Variants in LAYN observed in about 807,000 individuals in gnomAD.
LAYN encodes the protein layilin.
Under a neutral mutation model 43.6 loss-of-function variants are expected in LAYN, and 38 were observed. That is an observed-to-expected ratio of 0.87 (90% CI 0.67 to 1.14). The LOEUF is 1.14. Ranked by LOEUF, LAYN falls within the 50% of genes most tolerant of loss-of-function variation. The probability of loss-of-function intolerance (pLI) is 0.00; values close to 1 mark genes in which losing one functional copy is unlikely to be tolerated. For synonymous variants in LAYN, 168 were observed against 172.9 expected (o/e 0.97, Z 0.22); for missense variants, 479 against 463.8 (o/e 1.03, Z -0.30).
chr11:111,549,924 G>A (rs1326124214), intron 3 of LAYN, 149 bp downstream of exon 3: 21 of 792,068 alleles, frequency 2.7e-5, no homozygotes, highest in Non-Finnish European at 4.1e-5. Context: ...TCTTGTAAAG[G>A]GCAATGTAAT....
chr11:111,543,155 C>G (rs565369174), intron 1 of LAYN, among the ~76,000 whole-genome samples: 2 of 152,160 alleles, frequency 1.3e-5, no homozygotes, highest in African/African-American at 4.8e-5. Flanking sequence ...GCTCTAACTC[C>G]GGTGATGCTG....
intron 1 of LAYN, among the ~76,000 whole-genome samples, chr11:111,541,909 A>G (rs1036300026): frequency 1.9e-4 from 29 of 152,112 alleles, no homozygotes; most frequent in African/African-American, 6.5e-4. Flanking sequence ...TGAGAAGAGA[A>G]GGACACTTCC....
At chr11:111,556,931 A>G (rs550092509) in intron 5 of LAYN, among the ~76,000 whole-genome samples, 1 of 152,342 alleles carries the variant, frequency 6.6e-6, no homozygotes, top group South Asian at 2.1e-4. Context: ...GTCATGGCTC[A>G]TGGACCCAAC....
Position 111,549,502 on chromosome 11 carries a change from G to A in LAYN, c.384-116G>A, listed in dbSNP as rs375690346. On this transcript the variant is annotated intron_variant, in intron 2 of 6. Coordinates refer to ENST00000375614, the MANE Select transcript of LAYN (RefSeq NM_178834.5). ...CAATTCCTACCTCTCTCTGTATCAT[G>A]TTCTGAGGCAGAATCTTATGTTTAT... 4 of 851,190 alleles carry A rather than the reference G, an allele frequency of 4.7e-6. No homozygotes were observed. The African/African-American group carries it at 7.1e-5, about 15-fold the overall frequency. 52.7% of individuals were successfully genotyped at this position (851,190 alleles called of 1,614,324 possible). A position where few individuals can be genotyped will look rare whatever the true frequency, so the allele number is the denominator to read the frequency against.
chr11:111,541,421 C>A, intron 1 of LAYN: 2 of 751,244 alleles, frequency 2.7e-6, no homozygotes, highest in Non-Finnish European at 2.3e-6. Context: ...CTCGTCTCTT[C>A]TGCGGGGTTG....
intron 6 of LAYN, among the ~76,000 whole-genome samples, chr11:111,558,118 G>A (rs1565275272): frequency 6.6e-6 from 1 of 152,168 alleles, no homozygotes; most frequent in Non-Finnish European, 1.5e-5. Flanking sequence ...TTTTAATTCA[G>A]TACACAAGTA....
upstream of LAYN, chr11:111,540,602 A>G (rs1171056161): frequency 8.0e-6 from 4 of 498,056 alleles, no homozygotes; most frequent in East Asian, 1.1e-4. Flanking sequence ...GTCTGGCGCC[A>G]ACCTCGCTGG....
chr11:111,559,927 C>T (rs983200005), intron 6 of LAYN, among the ~76,000 whole-genome samples, 168 bp from the exon 7 acceptor site: 14 of 152,228 alleles, frequency 9.2e-5, no homozygotes, highest in Non-Finnish European at 1.9e-4. Flanking sequence ...CATAACATCT[C>T]CCTGTTTGGT....
Position 111,554,596 on chromosome 11 carries a change from A to G in LAYN, c.574+3A>G. 1 of 1,612,988 alleles carries G rather than the reference A, an allele frequency of 6.2e-7. No homozygotes were observed. On this transcript the variant is annotated splice_donor_region_variant and intron_variant, in intron 4 of 6. Transcript: ENST00000375614. The stretch of plus-strand genomic sequence containing the variant: ...AGTTCCTTCTAGAGAAGCTGAAGGT[A>G]AGCCTGTTACTTGAGATTTGGGTTA...
In LAYN at chr11:111,560,400, A is replaced by G. The variant is rs957460960; in HGVS notation, c.1067A>G (p.Asp356Gly). 2 of 1,613,814 alleles carry G rather than the reference A, an allele frequency of 1.2e-6. No individual in the cohort carries two copies. The highest frequency in any genetic ancestry group is 1.7e-5 in the Admixed American group (1 of 60,024). ...AATGACATTTATGAGTTCTCCCCAG[A>G]CCAAATGGGGAGGAGTAAGGAGTCT... ...VTNDIYEFSP[D>G]QMGRSKESGW... The change falls in exon 7 of 7, where the codon GAC becomes GGC. Residue 356 changes from aspartate to glycine, a missense_variant. Physicochemically the swap from Asp to Gly is moderately conservative, Grantham distance 94. Coordinates refer to ENST00000375614, the MANE Select transcript of LAYN (RefSeq NM_178834.5).
At position 111,560,285 on chromosome 11, in the gene LAYN, G is replaced by A; in HGVS notation, c.952G>A (p.Asp318Asn). The A allele has an allele frequency of 1.9e-6, 3 of 1,614,204 alleles. No individual in the cohort carries two copies. Among genetic ancestry groups the A allele is most frequent in the Non-Finnish European group, 2.5e-6 (3 of 1,180,032 alleles). The change falls in exon 7 of 7, where the codon GAC (aspartate) becomes AAC (asparagine). Residue 318 changes from aspartate to asparagine, a missense_variant. Coordinates refer to ENST00000375614, the MANE Select transcript of LAYN (RefSeq NM_178834.5). ...GTGTTCGGGAGAAGCCACTCCCGAT[G>A]ACATGTCTTGTGACTATGACAACAT... The part of the protein sequence containing the change: ...RVCSGEATPD[D>N]MSCDYDNMAV...
At chr11:111,557,460 C>CT (rs1429875297) in intron 5 of LAYN, 81 bp from the exon 6 acceptor site, 4 of 1,129,584 alleles carry the variant, frequency 3.5e-6, no homozygotes, top group East Asian at 2.4e-5. Flanking sequence ...GACGATTATG[C>CT]TTTTTTTAAG....
intron 4 of LAYN, among the ~76,000 whole-genome samples, chr11:111,554,928 C>A (rs1365816030): frequency 6.6e-6 from 1 of 152,150 alleles, no homozygotes; most frequent in African/African-American, 2.4e-5. Flanking sequence ...GAGTCCTTGG[C>A]CCTTCCCCTT....
At chr11:111,547,697 T>A (rs375383088) in intron 2 of LAYN, among the ~76,000 whole-genome samples, 25 of 152,374 alleles carry the variant, frequency 1.6e-4, no homozygotes, top group East Asian at 7.7e-4. Context: ...ACCTTCAGGA[T>A]CTGCCTGGTG....
In LAYN at chr11:111,561,355, G is replaced by A. The variant is rs1334001512; in HGVS notation, c.*897G>A. 1.3e-5 allele frequency: 2 copies of A among 152,202 alleles called. No individual in the cohort carries two copies. The highest frequency in any genetic ancestry group is 2.4e-5 in the African/African-American group (1 of 41,444). The allele number at this position is 152,202 out of a possible 1,614,324, so 9.4% of individuals were successfully genotyped here. A position where few individuals can be genotyped will look rare whatever the true frequency, so the allele number is the denominator to read the frequency against. ...TGCGTGGGCAACAGAATGAGACCCT[G>A]TCTCTAAACAAAAATATTTTTTAAA... On this transcript the variant is annotated 3_prime_UTR_variant, in exon 7 of 7. Coordinates refer to ENST00000375614, the MANE Select transcript of LAYN (RefSeq NM_178834.5).
At chr11:111,541,408 C>G (rs1565260743) in intron 1 of LAYN, 1 of 704,456 alleles carries the variant, frequency 1.4e-6, no homozygotes, top group Non-Finnish European at 2.5e-6. Context: ...CTGCCTGTTA[C>G]TCCTCGTCTC....
In LAYN at chr11:111,544,134, G is replaced by C; in HGVS notation, c.297G>C (p.Gly99=). The C allele has an allele frequency of 6.2e-7, 1 of 1,614,164 alleles. No homozygotes were observed. The highest frequency in any genetic ancestry group is 8.5e-7 in the Non-Finnish European group (1 of 1,180,018). ...LLPSDGDFWI[G]LRRREEKQSN... is the part of the protein sequence containing the mutation. ...CATCTGATGGTGACTTCTGGATTGG[G>C]CTCAGGAGGCGTGAGGAGAAACAAA... The change falls in exon 2 of 7, where the codon GGG becomes GGC. Residue 99 remains glycine, a synonymous_variant. Coordinates refer to ENST00000375614, the MANE Select transcript of LAYN (RefSeq NM_178834.5).
At chr11:111,554,780 T>A (rs75580558) in intron 4 of LAYN, among the ~76,000 whole-genome samples, 187 bp downstream of exon 4, 2,348 of 152,332 alleles carry the variant, frequency 0.015, 70 homozygotes, top group African/African-American at 0.053. Flanking sequence ...CATTTTCTAG[T>A]GTTCTCACAG....
intron 4 of LAYN, 48 bp downstream of exon 4, chr11:111,554,641 C>A: frequency 6.6e-7 from 1 of 1,508,034 alleles, no homozygotes; most frequent in Non-Finnish European, 9.2e-7. Context: ...GTTTCATAGC[C>A]CCTCTTCACA....
Sources: gnomAD v4.1 joint callset for allele counts (sites outside exome capture counted in the v4.1 genomes callset) on GRCh38, gnomAD v4.1.1 for gene constraint, MANE v1.5 for transcripts, NCBI Gene and HGNC (gene_info 2026-07-23, HGNC 2026-07-21) for gene names.